The following NCKAP1L variants were observed in gnomAD, a reference collection of about 807,000 sequenced individuals.
NCKAP1L encodes nck-associated protein 1-like.
NCKAP1L carries 53 observed loss-of-function variants against 139.2 expected under a neutral mutation model. The observed-to-expected ratio is 0.38, with a 90% CI of 0.31 to 0.48. The LOEUF is 0.48. NCKAP1L is among the 20% of genes least tolerant of loss of function. NCKAP1L has a pLI of 0.98. For missense variants in NCKAP1L, 1,151 were observed against 1,381.9 expected (o/e 0.83, Z 2.65); for synonymous variants, 468 against 499.7 (o/e 0.94, Z 0.85).
At chr12:54,532,273 A>G (rs1957078788) in intron 26 of NCKAP1L, 23 bp downstream of exon 26, 2 of 1,584,658 alleles carry the variant, frequency 1.3e-6, no homozygotes, top group Non-Finnish European at 1.7e-6. Context: ...GCAAAGTAGA[A>G]TCTAATTAGG....
chr12:54,545,674 G>A lies in NCKAP1L; in HGVS notation c.*2989G>A, dbSNP rs560033480. 1.3e-5 allele frequency: 2 copies of A among 152,350 alleles called. No homozygotes were observed. The highest frequency in any genetic ancestry group is 4.1e-4 in the South Asian group (2 of 4,832). 9.4% of individuals were successfully genotyped at this position (152,350 alleles called of 1,614,324 possible). On this transcript the variant is annotated 3_prime_UTR_variant, in exon 31 of 31. Transcript: ENST00000293373. ...TAAGTTTGCTTTACTTAGGCCCAAA[G>A]GAACTAAAGAATGGATATCAGAAAT...
intron 11 of NCKAP1L, among the ~76,000 whole-genome samples, 182 bp from the exon 12 acceptor site, chr12:54,517,351 A>C (rs1367388247): frequency 6.6e-6 from 1 of 152,190 alleles, no homozygotes; most frequent in Non-Finnish European, 1.5e-5. Context: ...CAGTGTCAAC[A>C]TGTGTACCTG....
intron 2 of NCKAP1L, among the ~76,000 whole-genome samples, chr12:54,499,832 T>G (rs1003833969): frequency 6.6e-6 from 1 of 152,250 alleles, no homozygotes; most frequent in Non-Finnish European, 1.5e-5. Flanking sequence ...GATTTCTGCA[T>G]CTAATGGGAT....
intron 9 of NCKAP1L, among the ~76,000 whole-genome samples, chr12:54,514,930 G>C (rs1462063874): frequency 1.3e-5 from 2 of 152,192 alleles, no homozygotes; most frequent in Non-Finnish European, 2.9e-5. Flanking sequence ...GATGTTCGAA[G>C]GGTGTTCAGT....
chr12:54,520,896 A>C, intron 17 of NCKAP1L, 70 bp downstream of exon 17: 3 of 1,601,392 alleles, frequency 1.9e-6, no homozygotes, highest in Non-Finnish European at 2.6e-6. Context: ...ACACAATTCC[A>C]AGGGTTGATT....
At chr12:54,499,320 G>C (rs1956777952) in intron 1 of NCKAP1L, 35 bp from the exon 2 acceptor site, 2 of 1,159,864 alleles carry the variant, frequency 1.7e-6, no homozygotes, top group African/African-American at 3.0e-5. Context: ...AGGAGGAGGA[G>C]AAAGGGTTGA....
rs762520053 is a variant in NCKAP1L, at chr12:54,518,965, G to A, written c.1472G>A (p.Arg491His). 1.9e-6 allele frequency: 3 copies of A among 1,613,278 alleles called. No homozygotes were observed. The highest frequency in any genetic ancestry group is 1.7e-6 in the Non-Finnish European group (2 of 1,179,290). Residue 491 changes from arginine (R) to histidine (H), a missense_variant, in exon 15 of 31, where the codon CGC becomes CAC. Arg to His is a conservative substitution (Grantham distance 29, BLOSUM62 0). Transcript: ENST00000293373. ...TCAGGATTGAGGCTGGACTGGTTCCGCCTACAGGTAATGATCTGTTCCTGT... is the reference window on the plus strand; with the variant it reads ...TCAGGATTGAGGCTGGACTGGTTCCACCTACAGGTAATGATCTGTTCCTGT... ...EFSGLRLDWFRLQAYTSVAKA... is the reference protein window; with the variant it reads ...EFSGLRLDWFHLQAYTSVAKA...
chr12:54,499,271 A>C, intron 1 of NCKAP1L, 84 bp from the exon 2 acceptor site: 1 of 846,266 alleles, frequency 1.2e-6, no homozygotes, highest in Non-Finnish European at 2.0e-6. Context: ...CCTAAGACAG[A>C]TTATGAGAAT....
chr12:54,524,100 G>A, intron 20 of NCKAP1L, 144 bp downstream of exon 20: 1 of 880,348 alleles, frequency 1.1e-6, no homozygotes, highest in Non-Finnish European at 1.7e-6. Flanking sequence ...TTCTGTTGCA[G>A]TCAGTCTAGC....
rs1052576915 is a variant in NCKAP1L at position 54,547,112 on chromosome 12, A to G, written c.*4427A>G. On this transcript the variant is annotated 3_prime_UTR_variant, in exon 31 of 31. Coordinates refer to ENST00000293373, the MANE Select transcript of NCKAP1L (RefSeq NM_005337.5). ...CTGGGAAAGGTGGGGGATGAGGACAAGAGGAAAAGACAGGGAGAGAATAGT... is the reference window on the plus strand; with the variant it reads ...CTGGGAAAGGTGGGGGATGAGGACAGGAGGAAAAGACAGGGAGAGAATAGT... 1 of 152,272 alleles carries G rather than the reference A, an allele frequency of 6.6e-6. No homozygotes were observed. Among genetic ancestry groups the G allele is most frequent in the East Asian group, 1.9e-4 (1 of 5,196 alleles). The allele number at this position is 152,272 out of a possible 1,614,324, so 9.4% of individuals were successfully genotyped here.
At chr12:54,523,611 G>A in intron 19 of NCKAP1L, 72 bp downstream of exon 19, 10 of 1,529,610 alleles carry the variant, frequency 6.5e-6, no homozygotes, top group Non-Finnish European at 8.8e-6. Context: ...GAGGGAAGGT[G>A]ACACAGAAAG....
At position 54,535,397 on chromosome 12, in the gene NCKAP1L, A is replaced by G. The variant is rs185710549; in HGVS notation, c.2956+200A>G. Among the ~76,000 whole-genome samples the G allele has an allele frequency of 1.3e-3, 201 of 152,312 alleles. 1 individual carries two copies. The highest frequency in any genetic ancestry group is 6.8e-3 in the Middle Eastern group (2 of 294). On this transcript the variant is annotated intron_variant, in intron 27 of 30. Transcript: ENST00000293373. ...TTTATCCTCAGGTTTCAACTAGTTG[A>G]TCTACATCCTCAGGTTCCAACTAGT...
Position 54,529,316 on chromosome 12 carries a change from G to C in NCKAP1L, c.2506+939G>C, listed in dbSNP as rs74689973. ...GGGGGAGACAGGTAAGGAGTGTGTA[G>C]TGAATGAGATGGGAAGCCTTTCCCT... On this transcript the variant is annotated intron_variant, in intron 22 of 30. Coordinates refer to ENST00000293373, the MANE Select transcript of NCKAP1L (RefSeq NM_005337.5). 4.5e-3 allele frequency among the ~76,000 whole-genome samples: 680 copies of C among 152,292 alleles called. 2 individuals are homozygous for C. The highest frequency in any genetic ancestry group is 0.013 in the African/African-American group (531 of 41,556).
chr12:54,542,613 G>A lies in NCKAP1L; in HGVS notation c.3312G>A (p.Leu1104=), dbSNP rs781200941. ...EESSFLTLDM[L]ESCFPYVLLR... is the part of the protein sequence containing the mutation. The stretch of plus-strand genomic sequence containing the variant: ...CATCCTTCCTGACCCTGGACATGCT[G>A]GAGTCCTGTTTCCCTTATGTCCTGC... Residue 1104 remains leucine, a synonymous_variant, in exon 31 of 31, where the codon CTG becomes CTA. Transcript: ENST00000293373. The A allele has an allele frequency of 2.5e-6, 4 of 1,614,164 alleles. No homozygotes were observed. The highest frequency in any genetic ancestry group is 3.3e-5 in the Admixed American group (2 of 60,014).
chr12:54,535,910 A>T (rs568854766), intron 27 of NCKAP1L, among the ~76,000 whole-genome samples: 1 of 152,312 alleles, frequency 6.6e-6, no homozygotes, highest in Admixed American at 6.5e-5. Flanking sequence ...GTTGCCAGGG[A>T]GGCCTCCAGG....
intron 25 of NCKAP1L, 59 bp downstream of exon 25, chr12:54,531,884 G>C (rs751071839): frequency 2.2e-6 from 3 of 1,378,582 alleles, no homozygotes; most frequent in Non-Finnish European, 2.0e-6. Flanking sequence ...GGTAGGGTTT[G>C]TATGATAATT....
intron 3 of NCKAP1L, among the ~76,000 whole-genome samples, chr12:54,503,742 G>A (rs1169392656): frequency 6.6e-6 from 1 of 151,230 alleles, no homozygotes; most frequent in Non-Finnish European, 1.5e-5. Context: ...GGGTTAAAGC[G>A]AGTCTCCTGC....
Position 54,542,558 on chromosome 12 carries a change from G to A in NCKAP1L, c.3274-17G>A. On this transcript the variant is annotated splice_polypyrimidine_tract_variant and intron_variant, in intron 30 of 30. Transcript: ENST00000293373. The stretch of plus-strand genomic sequence containing the variant: ...GCCCTACCTGAGGTTCTCATCTCTT[G>A]GCCCCATCTCTTTCAGGTGGTGGAG... 2 of 1,583,808 alleles carry A rather than the reference G, an allele frequency of 1.3e-6. No individual in the cohort carries two copies. Among genetic ancestry groups the A allele is most frequent in the Admixed American group, 3.3e-5 (2 of 59,976 alleles).
In NCKAP1L at chr12:54,517,863, C is replaced by T. The variant is rs1422791781; in HGVS notation, c.1263C>T (p.His421=). ...GGATTAGGTCTCTGGTCCGAAGACACATCAAAGTGATACAGCAATACCACC... is the reference window on the plus strand; with the variant it reads ...GGATTAGGTCTCTGGTCCGAAGACATATCAAAGTGATACAGCAATACCACC... ...LEGIRSLVRR[H]IKVIQQYHLQ... Residue 421 remains histidine (H), a synonymous_variant, in exon 13 of 31, where the codon CAC becomes CAT. Transcript: ENST00000293373. 4 of 1,614,014 alleles carry T rather than the reference C, an allele frequency of 2.5e-6. No individual in the cohort carries two copies. The highest frequency in any genetic ancestry group is 2.7e-5 in the African/African-American group (2 of 74,922).
Sources: gnomAD v4.1 joint callset for allele counts (sites outside exome capture counted in the v4.1 genomes callset) on GRCh38, gnomAD v4.1.1 for gene constraint, MANE v1.5 for transcripts, NCBI Gene and HGNC (gene_info 2026-07-23, HGNC 2026-07-21) for gene names.